The following TAFAZZIN variants were observed in gnomAD, a reference collection of about 807,000 sequenced individuals.
TAFAZZIN encodes the protein tafazzin, phospholipid-lysophospholipid transacylase.
In TAFAZZIN, 6 loss-of-function variants were observed where a neutral mutation model predicts 27.3. The ratio of observed to expected loss-of-function variants is 0.22; its 90% confidence interval spans 0.12 to 0.43. TAFAZZIN has a LOEUF of 0.43. Ranked by LOEUF, TAFAZZIN falls within the 20% of genes least tolerant of loss-of-function variation. The pLI is 1.00. For missense variants in TAFAZZIN, 127 were observed against 244.5 expected (o/e 0.52, Z 3.21); for synonymous variants, 79 against 96.2 (o/e 0.82, Z 1.04).
intron 6 of TAFAZZIN, 41 bp downstream of exon 6, chrX:154,419,664 G>A (rs782047233): frequency 8.3e-6 from 10 of 1,210,558 alleles, no homozygotes; most frequent in Middle Eastern, 2.3e-4. Flanking sequence ...CAGTATGAGC[G>A]GGATGGGCTC....
Position 154,419,874 on chromosome X carries a change from G to A in TAFAZZIN, c.583+128G>A, listed in dbSNP as rs2068579132. ...TGGGCGTGTTTGTAGCGCCAGGAAG[G>A]GGACAGGTGCTGAGACTAGGCCTGC... On this transcript the variant is annotated intron_variant, in intron 7 of 10. Transcript: ENST00000601016. 4 of 1,089,791 alleles carry A rather than the reference G, an allele frequency of 3.7e-6. No individual in the cohort carries two copies. The South Asian group carries it at 7.4e-5, about 20-fold the overall frequency. 89.8% of individuals were successfully genotyped at this position (1,089,791 alleles called of 1,213,427 possible).
intron 4 of TAFAZZIN, 131 bp downstream of exon 4, chrX:154,413,698 A>T (rs2068395259): frequency 4.9e-6 from 3 of 612,275 alleles, no homozygotes; most frequent in African/African-American, 4.4e-5. Flanking sequence ...GCTCCATCAC[A>T]TGCCAGCAGA....
rs370035262 is a variant in TAFAZZIN, at chrX:154,421,036, C to G, written c.*32C>G. On this transcript the variant is annotated 3_prime_UTR_variant, in exon 11 of 11. Transcript: ENST00000601016. ...CTTGCTGCCTTCTGGATTCTTGGCC[C>G]GCACAGAGCTGGGGCTGAGGGATGG... 8.6e-7 allele frequency: 1 copy of G among 1,159,402 alleles called. No homozygotes were observed. Among genetic ancestry groups the G allele is most frequent in the African/African-American group, 1.8e-5 (1 of 56,807 alleles).
Position 154,421,219 on chromosome X carries a change from G to A in TAFAZZIN, c.*215G>A, listed in dbSNP as rs1396553818. On this transcript the variant is annotated 3_prime_UTR_variant, in exon 11 of 11. Coordinates refer to ENST00000601016, the MANE Select transcript of TAFAZZIN (RefSeq NM_000116.5). Reference sequence around the variant, plus strand: ...TCCCACTTGGCCAAGCAGGGAGGAAGAAGCTTAGGCAGGGCTCTCTTTCCT... The same window carrying A: ...TCCCACTTGGCCAAGCAGGGAGGAAAAAGCTTAGGCAGGGCTCTCTTTCCT... The A allele has an allele frequency of 6.0e-6, 3 of 501,338 alleles. No homozygotes were observed. The highest frequency in any genetic ancestry group is 1.1e-5 in the Non-Finnish European group (3 of 279,843). The allele number at this position is 501,338 out of a possible 1,213,427, so 41.3% of individuals were successfully genotyped here. A position where few individuals can be genotyped will look rare whatever the true frequency, so the allele number is the denominator to read the frequency against.
chrX:154,415,625 G>C (rs1239760745), intron 5 of TAFAZZIN, among the ~76,000 whole-genome samples: 1 of 111,507 alleles, frequency 9.0e-6, no homozygotes, highest in Non-Finnish European at 1.9e-5. Flanking sequence ...GCTCACGCCT[G>C]TAATCCCAGT....
chrX:154,412,423 G>C (rs2068340762), intron 2 of TAFAZZIN: 2 of 489,818 alleles, frequency 4.1e-6, no homozygotes, highest in African/African-American at 2.4e-5. Context: ...TGGGCATGGA[G>C]CAGGACCAAG....
chrX:154,413,075 G>A, intron 2 of TAFAZZIN, 132 bp from the exon 3 acceptor site: 1 of 895,663 alleles, frequency 1.1e-6, no homozygotes, highest in Non-Finnish European at 1.6e-6. Flanking sequence ...TGGCCTAAGG[G>A]TCTGAAAGAT....
At chrX:154,414,545 AGCTG>A (rs2068425519) in intron 5 of TAFAZZIN, among the ~76,000 whole-genome samples, 1 of 105,554 alleles carries the variant, frequency 9.5e-6, no homozygotes, top group African/African-American at 3.5e-5. Context: ...ACAAAAAATT[AGCTG>A]GGCATGGTAG....
rs1295136907 is a variant in TAFAZZIN at position 154,411,578 on chromosome X, G to A, written c.-266G>A. 4 of 406,766 alleles carry A rather than the reference G, an allele frequency of 9.8e-6. No individual in the cohort carries two copies. The highest frequency in any genetic ancestry group is 1.2e-4 in the East Asian group (2 of 16,994). The allele number at this position is 406,766 out of a possible 1,213,427, so 33.5% of individuals were successfully genotyped here. Reference sequence around the variant, plus strand: ...GCACCGGGCCGGGGTGCCAGCGCCCGCCTTCCCGTTTCCTCCCGTTCCGCA... The same window carrying A: ...GCACCGGGCCGGGGTGCCAGCGCCCACCTTCCCGTTTCCTCCCGTTCCGCA... On this transcript the variant is annotated 5_prime_UTR_variant, in exon 1 of 11. Transcript: ENST00000601016.
chrX:154,419,866 C>T, intron 7 of TAFAZZIN, 120 bp downstream of exon 7: 1 of 1,104,437 alleles, frequency 9.1e-7, no homozygotes, highest in Non-Finnish European at 1.2e-6. Context: ...GTTTGTAGCG[C>T]CAGGAAGGGG....
At position 154,420,663 on chromosome X, in the gene TAFAZZIN, C is replaced by T; in HGVS notation, c.705C>T (p.Ile235=). 1 of 1,211,417 alleles carries T rather than the reference C, an allele frequency of 8.3e-7. No individual in the cohort carries two copies. Among genetic ancestry groups the T allele is most frequent in the Non-Finnish European group, 1.1e-6 (1 of 895,288 alleles). ...TCTTGGCGGCCACCCCACAGAAAAT[C>T]ACTGTGCTGATCGGGAAGCCCTTCA... The part of the protein sequence containing the change: ...PPYFPRFGQK[I]TVLIGKPFSA... Residue 235 remains isoleucine (I), a synonymous_variant, in exon 10 of 11, where the codon ATC becomes ATT. Transcript: ENST00000601016.
intron 5 of TAFAZZIN, chrX:154,419,264 A>G: frequency 2.4e-6 from 1 of 409,811 alleles, no homozygotes. Flanking sequence ...GGGGTTTAGA[A>G]GATATTAGGA....
chrX:154,420,133 G>A, intron 8 of TAFAZZIN, 39 bp downstream of exon 8: 1 of 1,210,434 alleles, frequency 8.3e-7, no homozygotes, highest in Non-Finnish European at 1.1e-6. Flanking sequence ...GGCATCTGGG[G>A]TGGGGGGCCT....
chrX:154,416,182 G>A (rs34091813), intron 5 of TAFAZZIN, among the ~76,000 whole-genome samples: 1 of 111,714 alleles, frequency 9.0e-6, no homozygotes, highest in African/African-American at 3.3e-5. Flanking sequence ...GGTGGATCAC[G>A]AGGTCAGGAG....
intron 2 of TAFAZZIN, 146 bp from the exon 3 acceptor site, chrX:154,413,061 G>A (rs781925124): frequency 9.7e-5 from 74 of 762,194 alleles, no homozygotes; most frequent in Non-Finnish European, 1.2e-4. Flanking sequence ...AGAACTGAAT[G>A]ATCTGGCCTA....
Position 154,413,263 on chromosome X carries a change from A to G in TAFAZZIN, c.284+11A>G. 8.3e-7 allele frequency: 1 copy of G among 1,210,090 alleles called. No homozygotes were observed. Among genetic ancestry groups the G allele is most frequent in the East Asian group, 3.0e-5 (1 of 33,733 alleles). Reference sequence around the variant, plus strand: ...GAAGTTGATGCGTTGGTGAGGAGGAATGGGCCCCTCGAAGTGGGCCGGGCC... The same window carrying G: ...GAAGTTGATGCGTTGGTGAGGAGGAGTGGGCCCCTCGAAGTGGGCCGGGCC... On this transcript the variant is annotated intron_variant, in intron 3 of 10. Transcript: ENST00000601016.
chrX:154,415,487 G>C (rs28401328), intron 5 of TAFAZZIN, among the ~76,000 whole-genome samples: 13,082 of 110,753 alleles, frequency 0.12, 597 homozygotes, highest in South Asian at 0.16. Context: ...TAGATAGATA[G>C]GTAGGTGGGT....
intron 5 of TAFAZZIN, among the ~76,000 whole-genome samples, chrX:154,416,811 G>A (rs899114452): frequency 4.5e-5 from 5 of 111,383 alleles, no homozygotes; most frequent in African/African-American, 9.8e-5. Context: ...AGTCCCAGAG[G>A]CAGTGGGGTG....
intron 7 of TAFAZZIN, 142 bp downstream of exon 7, chrX:154,419,888 G>T: frequency 9.3e-7 from 1 of 1,080,747 alleles, no homozygotes; most frequent in Non-Finnish European, 1.3e-6. Flanking sequence ...CAGGTGCTGA[G>T]ACTAGGCCTG....
Sources: allele counts gnomAD v4.1 joint callset (sites outside exome capture counted in the v4.1 genomes callset), GRCh38; gene constraint gnomAD v4.1.1; transcripts MANE v1.5; gene names NCBI Gene and HGNC (gene_info 2026-07-23, HGNC 2026-07-21).